LRRC4C: variants seen among roughly 807,000 people sequenced by gnomAD.
LRRC4C encodes leucine-rich repeat-containing protein 4C.
LRRC4C carries 5 observed loss-of-function variants against 33.6 expected under a neutral mutation model. The observed-to-expected ratio is 0.15, with a 90% CI of 0.08 to 0.31. The LOEUF is 0.31. Among genes scored for constraint, LRRC4C ranks in the 10% least tolerant of loss-of-function variants. The pLI is 1.00. For synonymous variants in LRRC4C, 329 were observed against 302.0 expected, an observed-to-expected ratio of 1.09 and a Z score of -0.93; for missense variants, 560 against 796.7, an observed-to-expected ratio of 0.70 and a Z score of 3.58.
At chr11:40,705,291 T>C (rs1481512914) in intron 2 of LRRC4C, among the ~76,000 whole-genome samples, 1 of 152,084 alleles carries the variant, frequency 6.6e-6, no homozygotes, top group African/African-American at 2.4e-5. Flanking sequence ...TGTGCCTCTT[T>C]GGTTTGCTGC....
chr11:40,978,760 T>C (rs1852283232), intron 1 of LRRC4C, among the ~76,000 whole-genome samples: 1 of 151,964 alleles, frequency 6.6e-6, no homozygotes, highest in African/African-American at 2.4e-5. Context: ...TAGCTGGGAT[T>C]GCAGGTGCCC....
chr11:40,453,036 T>TGGGGGGG (rs1951961495), intron 3 of LRRC4C, among the ~76,000 whole-genome samples: 1 of 107,254 alleles, frequency 9.3e-6, no homozygotes, highest in Non-Finnish European at 1.9e-5. Context: ...TGTTGTGGGG[T>TGGGGGGG]TGGGGGAGGG....
At chr11:40,537,561 T>A (rs1484981710) in intron 3 of LRRC4C, among the ~76,000 whole-genome samples, 1 of 152,176 alleles carries the variant, frequency 6.6e-6, no homozygotes, top group Non-Finnish European at 1.5e-5. Context: ...TCACAAAGAC[T>A]TTATAAGCAC....
intron 2 of LRRC4C, among the ~76,000 whole-genome samples, chr11:40,655,651 A>C (rs768719906): frequency 2.0e-5 from 3 of 152,214 alleles, no homozygotes; most frequent in Non-Finnish European, 4.4e-5. Flanking sequence ...TTCAGGTAGA[A>C]GATCCCACCA....
At chr11:40,937,013 G>GAT (rs1790155234) in intron 1 of LRRC4C, among the ~76,000 whole-genome samples, 1 of 152,212 alleles carries the variant, frequency 6.6e-6, no homozygotes, top group South Asian at 2.1e-4. Flanking sequence ...ATTGTCAGCA[G>GAT]ATGTATGTTC....
At chr11:40,519,020 C>T (rs1955689857) in intron 3 of LRRC4C, among the ~76,000 whole-genome samples, 1 of 152,082 alleles carries the variant, frequency 6.6e-6, no homozygotes, top group African/African-American at 2.4e-5. Context: ...TATTCTCACT[C>T]ATAAGTGGGA....
intron 3 of LRRC4C, among the ~76,000 whole-genome samples, chr11:40,546,092 TC>T (rs1956907394): frequency 3.4e-5 from 2 of 59,066 alleles, no homozygotes; most frequent in South Asian, 5.9e-4. Flanking sequence ...CTACCTTCCT[TC>T]CTTCCTTCCT....
At chr11:41,213,117 G>T (rs1382539107) in intron 1 of LRRC4C, among the ~76,000 whole-genome samples, 1 of 152,148 alleles carries the variant, frequency 6.6e-6, no homozygotes, top group East Asian at 1.9e-4. Context: ...CATCATGAAA[G>T]TTATTTGATT....
intron 3 of LRRC4C, among the ~76,000 whole-genome samples, chr11:40,368,282 T>G (rs1038968445): frequency 2.6e-5 from 4 of 152,122 alleles, no homozygotes; most frequent in African/African-American, 9.7e-5. Flanking sequence ...CTAACTTCAG[T>G]GGAGCCTTGA....
intron 1 of LRRC4C, among the ~76,000 whole-genome samples, chr11:41,014,636 G>A (rs1021805657): frequency 6.6e-6 from 1 of 152,038 alleles, no homozygotes; most frequent in Admixed American, 6.6e-5. Context: ...TGCCAAATAC[G>A]TATTTAATCC....
chr11:40,648,327 A>G (rs1942582828), intron 2 of LRRC4C, 49 bp from the exon 3 acceptor site: 1 of 152,204 alleles, frequency 6.6e-6, no homozygotes. Context: ...TTAATGGTCA[A>G]TAAATGCTGG....
intron 1 of LRRC4C, among the ~76,000 whole-genome samples, chr11:41,012,566 A>G (rs989335057): frequency 4.6e-5 from 7 of 152,126 alleles, no homozygotes; most frequent in African/African-American, 1.7e-4. Context: ...ATATCCCTTC[A>G]GTATCTATAT....
At chr11:40,585,310 G>A (rs151039385) in intron 3 of LRRC4C, among the ~76,000 whole-genome samples, 47 of 152,200 alleles carry the variant, frequency 3.1e-4, no homozygotes, top group Middle Eastern at 3.4e-3. Flanking sequence ...TAAAATGCTA[G>A]ATGTGTAGCT....
chr11:40,763,267 C>A (rs1949310105), intron 2 of LRRC4C, among the ~76,000 whole-genome samples: 1 of 151,922 alleles, frequency 6.6e-6, no homozygotes, highest in Admixed American at 6.6e-5. Flanking sequence ...AAATCCATCC[C>A]ATCTGGTCTG....
intron 1 of LRRC4C, chr11:41,394,830 A>G (rs566251114): frequency 6.6e-6 from 1 of 152,016 alleles, no homozygotes; most frequent in Non-Finnish European, 1.5e-5. Flanking sequence ...TTTGCACAAG[A>G]GGAAGGAAAC....
chr11:40,959,819 C>T (rs1287135363), intron 1 of LRRC4C, among the ~76,000 whole-genome samples: 1 of 151,614 alleles, frequency 6.6e-6, no homozygotes, highest in Non-Finnish European at 1.5e-5. Flanking sequence ...GCATCGCAGT[C>T]AGTTATGCAA....
intron 1 of LRRC4C, among the ~76,000 whole-genome samples, chr11:40,943,412 A>C (rs1958245709): frequency 6.6e-6 from 1 of 152,182 alleles, no homozygotes; most frequent in South Asian, 2.1e-4. Context: ...ATTACCTTCG[A>C]TTCCAGCACA....
intron 2 of LRRC4C, among the ~76,000 whole-genome samples, chr11:40,771,044 AGTGGGGACTCAGT>A (rs1949734872): frequency 6.6e-6 from 1 of 152,164 alleles, no homozygotes; most frequent in Non-Finnish European, 1.5e-5. Context: ...GCTATTCCTT[AGTGGGGACTCAGT>A]GTGGGGACTC....
In LRRC4C at chr11:40,114,846, C is replaced by T. The variant is rs762086751; in HGVS notation, c.1447G>A (p.Asp483Asn). 41 of 1,613,990 alleles carry T rather than the reference C, an allele frequency of 2.5e-5. No homozygotes were observed. Among genetic ancestry groups the T allele is most frequent in the Admixed American group, 2.3e-4 (14 of 60,000 alleles). Residue 483 changes from aspartate (D) to asparagine (N), a missense_variant, in exon 7 of 7, where the codon GAC becomes AAC. Transcript: ENST00000528697. Reference protein sequence around the residue: ...DNNVGPTPVVDWETTNVTTSL... With the variant: ...DNNVGPTPVVNWETTNVTTSL... ...GTGGTCACATTGGTGGTCTCCCAGT[C>T]GACCACTGGAGTGGGACCCACATTG...
Sources: allele counts gnomAD v4.1 joint callset (sites outside exome capture counted in the v4.1 genomes callset), GRCh38; gene constraint gnomAD v4.1.1; transcripts MANE v1.5; gene names NCBI Gene and HGNC (gene_info 2026-07-23, HGNC 2026-07-21).